Variants in FER1L6 observed in about 807,000 individuals in gnomAD.
FER1L6 encodes the protein fer-1 like family member 6, also known as fer-1-like protein 6.
FER1L6 carries 177 observed loss-of-function variants against 219.2 expected under a neutral mutation model. That is an observed-to-expected ratio of 0.81 (90% CI 0.71 to 0.91). The LOEUF is 0.91. Ranked by LOEUF, FER1L6 falls within the 40% of genes least tolerant of loss-of-function variation. The pLI is 0.00. For synonymous variants in FER1L6, 768 were observed against 824.3 expected (o/e 0.93, Z 1.17); for missense variants, 2,153 against 2,259.9 (o/e 0.95, Z 0.96).
chr8:124,080,816 TG>T (rs1305036352), intron 32 of FER1L6, among the ~76,000 whole-genome samples: 1 of 152,164 alleles, frequency 6.6e-6, no homozygotes, highest in African/African-American at 2.4e-5. Context: ...TTCCTTGTGA[TG>T]CACCTGCAGA....
intron 1 of FER1L6, among the ~76,000 whole-genome samples, chr8:123,901,425 A>G (rs1371157139): frequency 1.3e-5 from 2 of 151,994 alleles, no homozygotes; most frequent in Admixed American, 6.6e-5. Context: ...CGGTCTGTCA[A>G]TTTTATTTAT....
At chr8:123,943,262 T>C (rs901374864) in intron 1 of FER1L6, among the ~76,000 whole-genome samples, 4 of 152,222 alleles carry the variant, frequency 2.6e-5, no homozygotes, top group Non-Finnish European at 5.9e-5. Flanking sequence ...CAAGTATGTC[T>C]GGATAGTGGC....
intron 1 of FER1L6, among the ~76,000 whole-genome samples, chr8:123,920,955 C>A (rs191800072): frequency 1.3e-5 from 2 of 152,316 alleles, no homozygotes; most frequent in Non-Finnish European, 2.9e-5. Flanking sequence ...TACTATTGGT[C>A]TTTTCGTGCC....
intron 1 of FER1L6, among the ~76,000 whole-genome samples, chr8:123,905,370 G>A (rs940690690): frequency 1.3e-5 from 2 of 152,142 alleles, no homozygotes; most frequent in African/African-American, 4.8e-5. Context: ...TAAGGATTAT[G>A]GCTTCCAGCT....
chr8:124,113,757 T>G (rs1823113871), intron 39 of FER1L6, among the ~76,000 whole-genome samples: 1 of 152,232 alleles, frequency 6.6e-6, no homozygotes, highest in Admixed American at 6.5e-5. Flanking sequence ...TATCTTATTC[T>G]CTATCCTCTG....
chr8:123,945,671 G>A (rs1586497792), intron 1 of FER1L6, among the ~76,000 whole-genome samples: 1 of 152,164 alleles, frequency 6.6e-6, no homozygotes, highest in East Asian at 1.9e-4. Context: ...AATTTTAACT[G>A]ATTTATAGAG....
intron 1 of FER1L6, among the ~76,000 whole-genome samples, chr8:123,859,991 T>TA (rs1159438097): frequency 7.5e-5 from 11 of 146,342 alleles, no homozygotes; most frequent in African/African-American, 2.9e-4. Context: ...ATTATTTTTT[T>TA]AATTATACTT....
chr8:123,878,957 A>G lies in FER1L6; in HGVS notation c.-8+26772A>G, dbSNP rs145999227. 4.6e-3 allele frequency among the ~76,000 whole-genome samples: 695 copies of G among 152,314 alleles called. 6 individuals are homozygous for G. The highest frequency in any genetic ancestry group is 0.016 in the African/African-American group (662 of 41,574). ...GCCTGAGGCCACTTTCTCTCTGTTAAAAAGTGAGATTAGCAAATGTTTAAG... is the reference window on the plus strand; with the variant it reads ...GCCTGAGGCCACTTTCTCTCTGTTAGAAAGTGAGATTAGCAAATGTTTAAG... On this transcript the variant is annotated intron_variant, in intron 1 of 40. Transcript: ENST00000522917.
At chr8:123,855,325 C>T (rs867789292) in intron 1 of FER1L6, among the ~76,000 whole-genome samples, 7 of 152,110 alleles carry the variant, frequency 4.6e-5, no homozygotes, top group South Asian at 2.1e-4. Context: ...TTTAAAACTG[C>T]GAGCTCCTGG....
chr8:124,076,215 A>T lies in FER1L6; in HGVS notation c.4110A>T (p.Pro1370=). 1 of 1,614,092 alleles carries T rather than the reference A, an allele frequency of 6.2e-7. No homozygotes were observed. Among genetic ancestry groups the T allele is most frequent in the South Asian group, 1.1e-5 (1 of 91,066 alleles). The change falls in exon 32 of 41, where the codon CCA becomes CCT. Residue 1370 remains proline, a synonymous_variant. Transcript: ENST00000522917. ...CTTTCCAGGCATTTAATCTTAGTCC[A>T]GCTGATCCAGATGGCAAATCAGATC... ...VYIVAAFNLS[P]ADPDGKSDPY... is the part of the protein sequence containing the mutation.
chr8:124,043,832 C>T (rs1014021459), intron 20 of FER1L6, among the ~76,000 whole-genome samples: 10 of 152,170 alleles, frequency 6.6e-5, no homozygotes, highest in Admixed American at 2.6e-4. Flanking sequence ...TTTGGGTGAA[C>T]CTTTTAGTAC....
intron 34 of FER1L6, among the ~76,000 whole-genome samples, chr8:124,093,913 G>A (rs557693783): frequency 6.9e-4 from 96 of 138,692 alleles, no homozygotes; most frequent in African/African-American, 2.3e-3. Flanking sequence ...GTAAAATGGG[G>A]CACTGTGGCC....
At chr8:124,083,102 G>C (rs1282077110) in intron 33 of FER1L6, among the ~76,000 whole-genome samples, 1 of 151,834 alleles carries the variant, frequency 6.6e-6, no homozygotes, top group African/African-American at 2.4e-5. Flanking sequence ...AATCACATCA[G>C]GGTAAATGGG....
At chr8:123,988,616 T>A (rs570869654) in intron 12 of FER1L6, among the ~76,000 whole-genome samples, 85 of 152,346 alleles carry the variant, frequency 5.6e-4, no homozygotes, top group African/African-American at 2.0e-3. Context: ...CTTGATTTCC[T>A]TTTCACATTG....
At chr8:124,045,950 A>G (rs951939460) in intron 21 of FER1L6, 49 bp downstream of exon 21, 2 of 1,599,946 alleles carry the variant, frequency 1.3e-6, no homozygotes, top group African/African-American at 2.7e-5. Context: ...AAAAAATGCC[A>G]CGTTGAACTC....
intron 1 of FER1L6, among the ~76,000 whole-genome samples, chr8:123,945,405 G>C (rs930303637): frequency 6.6e-6 from 1 of 152,182 alleles, no homozygotes; most frequent in Non-Finnish European, 1.5e-5. Context: ...TGTTTTGGGG[G>C]CCCTGTAAAT....
chr8:123,893,482 C>T (rs548336840), intron 1 of FER1L6, among the ~76,000 whole-genome samples: 13 of 152,040 alleles, frequency 8.6e-5, no homozygotes, highest in African/African-American at 1.9e-4. Flanking sequence ...TTTTGAAATA[C>T]GTTTTAAATA....
intron 13 of FER1L6, among the ~76,000 whole-genome samples, chr8:124,006,225 G>A (rs1817649807): frequency 2.0e-5 from 3 of 152,210 alleles, no homozygotes; most frequent in Admixed American, 2.0e-4. Flanking sequence ...AGCCATTGTT[G>A]ACTATTGGTG....
At chr8:123,898,138 T>TA (rs1032093827) in intron 1 of FER1L6, among the ~76,000 whole-genome samples, 1 of 152,112 alleles carries the variant, frequency 6.6e-6, no homozygotes, top group Non-Finnish European at 1.5e-5. Context: ...AGTGTAAAAA[T>TA]AAAAAATCAG....
Sources: allele counts gnomAD v4.1 joint callset (sites outside exome capture counted in the v4.1 genomes callset), GRCh38; gene constraint gnomAD v4.1.1; transcripts MANE v1.5; gene names NCBI Gene and HGNC (gene_info 2026-07-23, HGNC 2026-07-21).